The following OPHN1 variants were observed in gnomAD, a reference collection of about 807,000 sequenced individuals.
The protein encoded by OPHN1 is oligophrenin 1, also known as oligophrenin-1.
A neutral mutation model predicts 60.7 loss-of-function variants in OPHN1; 11 were observed. That is an observed-to-expected ratio of 0.18 (90% confidence interval 0.11 to 0.30). OPHN1 has a LOEUF of 0.30. OPHN1 is among the 10% of genes least tolerant of loss of function. OPHN1 has a pLI of 1.00. For synonymous variants in OPHN1, 226 were observed against 222.6 expected, an observed-to-expected ratio of 1.02 and a Z score of -0.14; for missense variants, 449 against 611.0, an observed-to-expected ratio of 0.73 and a Z score of 2.80.
intron 15 of OPHN1, among the ~76,000 whole-genome samples, chrX:68,162,575 G>C (rs1003672607): frequency 1.8e-5 from 2 of 109,978 alleles, no homozygotes; most frequent in Non-Finnish European, 3.8e-5. Context: ...CAGAGTAGGA[G>C]GGAAGAATTG....
chrX:68,380,413 T>G (rs2078589828), intron 2 of OPHN1, among the ~76,000 whole-genome samples: 1 of 111,734 alleles, frequency 8.9e-6, no homozygotes, highest in Non-Finnish European at 1.9e-5. Context: ...GAAGGGTTTT[T>G]TGTGTCTCTA....
chrX:68,100,893 C>T (rs1192734024), intron 18 of OPHN1, among the ~76,000 whole-genome samples: 2 of 110,418 alleles, frequency 1.8e-5, no homozygotes, highest in African/African-American at 6.6e-5. Flanking sequence ...ACTACAGGTG[C>T]CCGCCACCAT....
At chrX:68,356,594 G>A (rs779644854) in intron 2 of OPHN1, among the ~76,000 whole-genome samples, 1 of 110,356 alleles carries the variant, frequency 9.1e-6, no homozygotes, top group Non-Finnish European at 1.9e-5. Context: ...TATATTTTTA[G>A]TAGAGGTGGG....
intron 20 of OPHN1, 103 bp from the exon 21 acceptor site, chrX:68,064,280 T>G: frequency 1.3e-6 from 1 of 786,905 alleles, no homozygotes; most frequent in Non-Finnish European, 1.9e-6. Flanking sequence ...TGTATACATT[T>G]TCAAAGCAGT....
At chrX:68,247,596 T>A (rs944221162) in intron 5 of OPHN1, among the ~76,000 whole-genome samples, 16 of 111,141 alleles carry the variant, frequency 1.4e-4, no homozygotes, top group Non-Finnish European at 2.6e-4. Context: ...GTGCTAGCCA[T>A]GTCCTTCCCA....
At chrX:68,304,083 G>A (rs1234609487) in intron 2 of OPHN1, among the ~76,000 whole-genome samples, 2 of 111,695 alleles carry the variant, frequency 1.8e-5, no homozygotes, top group Non-Finnish European at 3.8e-5. Context: ...GATTTTGAAT[G>A]TTGCCCAGAC....
At chrX:68,339,087 A>AATATAT (rs1555973537) in intron 2 of OPHN1, among the ~76,000 whole-genome samples, 1 of 91,013 alleles carries the variant, frequency 1.1e-5, no homozygotes, top group East Asian at 3.1e-4. Context: ...GAAAAAAAAA[A>AATATAT]ATATATATAT....
At chrX:68,140,605 A>G in intron 15 of OPHN1, among the ~76,000 whole-genome samples, 1 of 109,011 alleles carries the variant, frequency 9.2e-6, no homozygotes. Flanking sequence ...AAAACAGCTG[A>G]CCCCTGAAGG....
At position 68,386,505 on chromosome X, in the gene OPHN1, C is replaced by T. The variant is rs1602375798; in HGVS notation, c.154+46362G>A. Among the ~76,000 whole-genome samples the T allele has an allele frequency of 1.1e-4, 12 of 111,497 alleles. 2 individuals carry two copies. Among genetic ancestry groups the T allele is most frequent in the Admixed American group, 1.1e-3 (11 of 10,389 alleles). On this transcript the variant is annotated intron_variant, in intron 2 of 24. Coordinates refer to ENST00000355520, the MANE Select transcript of OPHN1 (RefSeq NM_002547.3). The stretch of plus-strand genomic sequence containing the variant: ...TAAAAGGCAGACCTCTGTGGCCAGG[C>T]GCACCTTGGCAGCAGTCTCCAAGAA...
chrX:68,210,613 G>A (rs1340664253), intron 8 of OPHN1, among the ~76,000 whole-genome samples: 1 of 111,846 alleles, frequency 8.9e-6, no homozygotes, highest in Admixed American at 9.5e-5. Context: ...TACAACAAGG[G>A]AGATGGCAGA....
chrX:68,214,075 A>G (rs2077597537), intron 6 of OPHN1, 103 bp from the exon 7 acceptor site: 1 of 530,007 alleles, frequency 1.9e-6, no homozygotes, highest in Non-Finnish European at 3.4e-6. Flanking sequence ...GCATTTAGCC[A>G]CCAACTAGTG....
intron 5 of OPHN1, among the ~76,000 whole-genome samples, chrX:68,271,261 C>T (rs2077967122): frequency 9.1e-6 from 1 of 110,392 alleles, no homozygotes; most frequent in Admixed American, 9.7e-5. Flanking sequence ...CGTGGTAGCT[C>T]ACGCCTGTAA....
At chrX:68,403,869 C>T (rs1160071911) in intron 2 of OPHN1, among the ~76,000 whole-genome samples, 2 of 108,705 alleles carry the variant, frequency 1.8e-5, no homozygotes, top group African/African-American at 6.7e-5. Context: ...ACCATCTAGA[C>T]TCAGAAAAAT....
intron 2 of OPHN1, among the ~76,000 whole-genome samples, chrX:68,350,466 T>TCCTC (rs2078403061): frequency 4.4e-5 from 3 of 68,643 alleles, no homozygotes; most frequent in African/African-American, 7.3e-5. Flanking sequence ...CTTCCTTCCT[T>TCCTC]CCTTCCTCCC....
intron 23 of OPHN1, 91 bp downstream of exon 23, chrX:68,052,449 G>A: frequency 2.0e-5 from 17 of 848,611 alleles, no homozygotes; most frequent in South Asian, 1.5e-4. Flanking sequence ...GAAACAAAAA[G>A]AGAAAGATGT....
chrX:68,334,309 T>C (rs1402201608), intron 2 of OPHN1, among the ~76,000 whole-genome samples: 1 of 112,239 alleles, frequency 8.9e-6, no homozygotes, highest in East Asian at 2.8e-4. Flanking sequence ...AGTAAGGAAG[T>C]ATGACTTCCC....
chrX:68,405,821 G>A (rs779410192), intron 2 of OPHN1, among the ~76,000 whole-genome samples: 1 of 111,352 alleles, frequency 9.0e-6, no homozygotes, highest in South Asian at 3.8e-4. Flanking sequence ...GGGACATAAT[G>A]GGCTAAGAGA....
Position 68,281,024 on chromosome X carries a change from T to C in OPHN1, c.312+2032A>G, listed in dbSNP as rs1393154983. 7.1e-5 allele frequency among the ~76,000 whole-genome samples: 8 copies of C among 111,904 alleles called. No homozygotes were observed. The South Asian group carries it at 2.6e-3, about 37-fold the overall frequency. ...AGATATCAGTTTTTCCCTGGTAGCT[T>C]AAAAGCAAATCCTAATCAAAATCAA... On this transcript the variant is annotated intron_variant, in intron 4 of 24. Coordinates refer to ENST00000355520, the MANE Select transcript of OPHN1 (RefSeq NM_002547.3).
intron 22 of OPHN1, 83 bp from the exon 23 acceptor site, chrX:68,052,673 T>A: frequency 1.1e-6 from 1 of 886,813 alleles, no homozygotes; most frequent in Non-Finnish European, 1.6e-6. Context: ...GACAGGAGAC[T>A]CTGAACCAGA....
Sources: gnomAD v4.1 joint callset for allele counts (sites outside exome capture counted in the v4.1 genomes callset) on GRCh38, gnomAD v4.1.1 for gene constraint, MANE v1.5 for transcripts, NCBI Gene and HGNC (gene_info 2026-07-23, HGNC 2026-07-21) for gene names.